BID: variants seen among roughly 807,000 people sequenced by gnomAD.
The protein encoded by BID is BH3 interacting domain death agonist, also known as BH3-interacting domain death agonist.
In BID, 19 loss-of-function variants were observed where a neutral mutation model predicts 17.4. That is an observed-to-expected ratio of 1.09 (90% CI 0.76 to 1.60). The LOEUF (loss-of-function observed/expected upper bound fraction) is 1.60, where lower values mean the gene tolerates loss of function less well. Among genes scored for constraint, BID ranks in the 40% most tolerant of loss-of-function variants. The pLI is 0.00. For missense variants in BID, 226 were observed against 256.0 expected (o/e 0.88, Z 0.80); for synonymous variants, 108 against 102.8 (o/e 1.05, Z -0.31).
At position 17,769,020 on chromosome 22, in the gene BID, C is replaced by A. The variant is rs11703330; in HGVS notation, c.-59+5361G>T. On this transcript the variant is annotated intron_variant, in intron 1 of 5. Transcript: ENST00000622694. This position sits in a 1 kb window ranked among gnomAD's most constrained non-coding sequence, Gnocchi z 4.8. ...TCGTGCCACTGCACTCCAGCCTGGG[C>A]GACAGAGTGAGACTCGTCTCAAAAA... 1.3e-5 allele frequency among the ~76,000 whole-genome samples: 2 copies of A among 151,654 alleles called. No individual in the cohort carries two copies. Among genetic ancestry groups the A allele is most frequent in the Admixed American group, 1.3e-4 (2 of 15,206 alleles).
At chr22:17,759,673 C>G (rs971667013) in intron 1 of BID, among the ~76,000 whole-genome samples, 2 of 152,162 alleles carry the variant, frequency 1.3e-5, no homozygotes, top group Non-Finnish European at 1.5e-5. Context: ...GCCTGGGCAA[C>G]ATAGTGAGGC....
Position 17,773,789 on chromosome 22 carries a change from C to T in BID, c.-59+592G>A. The T allele has an allele frequency of 1.8e-6, 2 of 1,123,734 alleles. No individual in the cohort carries two copies. Among genetic ancestry groups the T allele is most frequent in the South Asian group, 2.7e-5 (2 of 75,436 alleles). 69.6% of individuals were successfully genotyped at this position (1,123,734 alleles called of 1,614,324 possible). On this transcript the variant is annotated intron_variant, in intron 1 of 5. Transcript: ENST00000622694. The surrounding 1 kb of genome is among the most constrained non-coding windows in gnomAD (Gnocchi z 4.4). The stretch of plus-strand genomic sequence containing the variant: ...AGGGTCCCCTGGGGTCATTCAGCCA[C>T]TCAACAGTTTCCCAGCAGCAGCAGC...
Position 17,738,009 on chromosome 22 carries a change from G to A in BID, c.576+8C>T. ...GGCAGGGAAGGAGCTGACCTCAAGG[G>A]TTCTTACATTTCTGGCTAAGCTCCT... On this transcript the variant is annotated splice_region_variant and intron_variant, in intron 5 of 5. Transcript: ENST00000622694. 1 of 1,613,816 alleles carries A rather than the reference G, an allele frequency of 6.2e-7. No individual in the cohort carries two copies. Among genetic ancestry groups the A allele is most frequent in the Non-Finnish European group, 8.5e-7 (1 of 1,179,734 alleles).
intron 3 of BID, 63 bp from the exon 4 acceptor site, chr22:17,739,551 C>G: frequency 1.3e-6 from 2 of 1,558,768 alleles, no homozygotes; most frequent in South Asian, 2.3e-5. Context: ...ATACCCTCTC[C>G]CACACCACCC....
intron 2 of BID, among the ~76,000 whole-genome samples, chr22:17,748,887 GACA>G (rs1601849764): frequency 6.6e-6 from 1 of 152,264 alleles, no homozygotes; most frequent in Non-Finnish European, 1.5e-5. Flanking sequence ...TTTGGACACT[GACA>G]ACAAGCCTGG....
rs770434520 is a variant in BID, at chr22:17,768,789, G to A, written c.-59+5592C>T. 8.6e-5 allele frequency among the ~76,000 whole-genome samples: 13 copies of A among 151,844 alleles called. No homozygotes were observed. The South Asian group carries it at 1.0e-3, about 12-fold the overall frequency. On this transcript the variant is annotated intron_variant, in intron 1 of 5. Coordinates refer to ENST00000622694, the MANE Select transcript of BID (RefSeq NM_001196.4). ...CGGGAAGCTGAGGCAGGAGAATGGC[G>A]TGAAACTCGGGAGGCAGAGCTTGCA...
chr22:17,745,844 T>A (rs1240190106), intron 2 of BID, among the ~76,000 whole-genome samples: 2 of 151,920 alleles, frequency 1.3e-5, no homozygotes, highest in Non-Finnish European at 2.9e-5. Flanking sequence ...CGGGCGTCTG[T>A]AGTCCCAGCT....
At chr22:17,739,159 G>A (rs1371118562) in intron 4 of BID, among the ~76,000 whole-genome samples, 190 bp downstream of exon 4, 8 of 121,110 alleles carry the variant, frequency 6.6e-5, no homozygotes, top group East Asian at 3.0e-4. Context: ...AGGTTTCCTC[G>A]ATGTCAACCA....
At chr22:17,756,576 CT>C (rs1271396687) in intron 1 of BID, among the ~76,000 whole-genome samples, 19 of 127,330 alleles carry the variant, frequency 1.5e-4, no homozygotes, top group South Asian at 2.5e-4. Context: ...TCCTTTCTTT[CT>C]TTTTTTTTTC....
intron 1 of BID, among the ~76,000 whole-genome samples, chr22:17,762,625 A>C (rs1242621198): frequency 1.3e-5 from 2 of 151,610 alleles, no homozygotes; most frequent in East Asian, 3.9e-4. Context: ...ATCATGGCCC[A>C]CTACAGCCTC....
chr22:17,773,726 C>T lies in BID; in HGVS notation c.-59+655G>A. On this transcript the variant is annotated intron_variant, in intron 1 of 5. Transcript: ENST00000622694. The surrounding 1 kb of genome is among the most constrained non-coding windows in gnomAD (Gnocchi z 4.4). ...GAATGAATGAATGAACCCTTGCCAGCCCAGCCACTTGGTGGCTGAGGGCTT... is the reference window on the plus strand; with the variant it reads ...GAATGAATGAATGAACCCTTGCCAGTCCAGCCACTTGGTGGCTGAGGGCTT... 1 of 1,596,748 alleles carries T rather than the reference C, an allele frequency of 6.3e-7. No individual in the cohort carries two copies. Among genetic ancestry groups the T allele is most frequent in the Non-Finnish European group, 8.5e-7 (1 of 1,175,452 alleles).
chr22:17,750,586 T>C (rs1278997898), intron 1 of BID, among the ~76,000 whole-genome samples: 1 of 152,198 alleles, frequency 6.6e-6, no homozygotes, highest in African/African-American at 2.4e-5. Context: ...CCCAGCACTT[T>C]GGGAGGCCGA....
intron 1 of BID, among the ~76,000 whole-genome samples, chr22:17,759,254 AAAAAAC>A (rs2061618370): frequency 1.3e-5 from 2 of 148,950 alleles, no homozygotes; most frequent in African/African-American, 5.0e-5. Context: ...AACAAAAAAA[AAAAAAC>A]AAAAGAACCA....
rs1188046813 is a variant in BID at position 17,734,162 on chromosome 22, C to CCAAA, written c.*1414_*1417dup. The CCAAA allele has an allele frequency of 1.3e-5, 2 of 152,184 alleles. No homozygotes were observed. Among genetic ancestry groups the CCAAA allele is most frequent in the African/African-American group, 4.8e-5 (2 of 41,432 alleles). The allele number at this position is 152,184 out of a possible 1,614,324, so 9.4% of individuals were successfully genotyped here. The stretch of plus-strand genomic sequence containing the variant: ...GTCGTAGTGTTAGGAAGATTTATTT[C>CCAAA]CAAACAGTGGCCTCCACACTGCGCG... On this transcript the variant is annotated 3_prime_UTR_variant, in exon 6 of 6. Coordinates refer to ENST00000622694, the MANE Select transcript of BID (RefSeq NM_001196.4).
At position 17,743,872 on chromosome 22, in the gene BID, C is replaced by A. The variant is rs779372119; in HGVS notation, c.154G>T (p.Glu52Ter). 3 of 1,613,358 alleles carry A rather than the reference C, an allele frequency of 1.9e-6. No homozygotes were observed. In the South Asian group the frequency reaches 3.3e-5, roughly 18 times the overall value. Residue 52 changes from glutamate to a stop codon, truncating the protein, a stop_gained, in exon 3 of 6, where the codon GAG becomes TAG. Coordinates refer to ENST00000622694, the MANE Select transcript of BID (RefSeq NM_001196.4). LOFTEE classifies it high-confidence loss of function. Reference protein sequence around the residue: ...HELPVLAPQWEGYDELQTDGN... With the variant: ...HELPVLAPQW ...TCAGTCTGCAGCTCATCGTAGCCCT[C>A]CCACTGGGGAGCCAGCACTGGCAGC...
At chr22:17,748,349 A>T (rs968249110) in intron 2 of BID, among the ~76,000 whole-genome samples, 1 of 150,130 alleles carries the variant, frequency 6.7e-6, no homozygotes, top group African/African-American at 2.4e-5. Flanking sequence ...CTTTACTAAG[A>T]TACAAAAAAT....
In BID at chr22:17,773,571, C is replaced by T. The variant is rs1569056950; in HGVS notation, c.-59+810G>A. The T allele has an allele frequency of 2.5e-6, 4 of 1,607,194 alleles. No homozygotes were observed. The highest frequency in any genetic ancestry group is 2.2e-5 in the South Asian group (2 of 90,896). ...CCCAACCCTGCCTGCAGGTGAAGGC[C>T]GGTCCAGCCGCAGAAGGCCCAGCCC... On this transcript the variant is annotated intron_variant, in intron 1 of 5. Transcript: ENST00000622694. This position sits in a 1 kb window ranked among gnomAD's most constrained non-coding sequence, Gnocchi z 4.4.
chr22:17,749,957 G>C (rs181404), intron 2 of BID, 148 bp downstream of exon 2: 384,441 of 726,862 alleles, frequency 0.53, 105,474 homozygotes, highest in East Asian at 0.87. Context: ...TCAGTGAAGG[G>C]GCTGGGCGGG....
At chr22:17,739,970 C>T in intron 3 of BID, 2 of 1,149,698 alleles carry the variant, frequency 1.7e-6, no homozygotes, top group Non-Finnish European at 2.5e-6. Context: ...TTGTCACTGG[C>T]ACCGGCAAGG....
Sources: gnomAD v4.1 joint callset for allele counts (sites outside exome capture counted in the v4.1 genomes callset) on GRCh38, gnomAD v4.1.1 for gene constraint, Gnocchi (gnomAD v3.1) non-coding constraint, MANE v1.5 for transcripts, NCBI Gene and HGNC (gene_info 2026-07-23, HGNC 2026-07-21) for gene names.